Variants in LAMB4 observed in about 807,000 individuals in gnomAD.
LAMB4 encodes the protein laminin subunit beta 4.
Under a neutral mutation model 199.2 loss-of-function variants are expected in LAMB4, and 196 were observed. The ratio of observed to expected loss-of-function variants is 0.98; its 90% confidence interval spans 0.88 to 1.11. LAMB4 has a LOEUF of 1.11. LAMB4 is among the 50% of genes least tolerant of loss of function. The pLI, the probability that LAMB4 is intolerant of heterozygous loss-of-function variation, is 0.00. For missense variants in LAMB4, 2,080 were observed against 2,171.2 expected (o/e 0.96, Z 0.83); for synonymous variants, 744 against 770.6 (o/e 0.97, Z 0.57).
chr7:108,018,277 G>A, the LAMB4 span, among the ~76,000 whole-genome samples: 1 of 152,218 alleles, frequency 6.6e-6, no homozygotes, highest in Non-Finnish European at 1.5e-5. Context: ...GCCTGTGGAG[G>A]CTGATCTACA....
rs372443906 is a variant in LAMB4 at position 108,066,365 on chromosome 7, A to G, written c.2678+4T>C. The G allele has an allele frequency of 5.6e-6, 9 of 1,608,402 alleles. No individual in the cohort carries two copies. In the African/African-American group the frequency reaches 9.4e-5, roughly 17 times the overall value. On this transcript the variant is annotated splice_donor_region_variant and intron_variant, in intron 20 of 33. Transcript: ENST00000388781. ...AAAAATTAAAGTGCATATGAATTCC[A>G]TACCTTTCACAGTTTCTGCCAGTTG...
At chr7:108,104,298 T>A (rs1481507226) in intron 9 of LAMB4, among the ~76,000 whole-genome samples, 2 of 152,174 alleles carry the variant, frequency 1.3e-5, no homozygotes, top group Non-Finnish European at 2.9e-5. Context: ...AAGTTAAACT[T>A]AATTTGTGGT....
chr7:108,108,621 C>T (rs1392982166), intron 5 of LAMB4, among the ~76,000 whole-genome samples: 9 of 151,308 alleles, frequency 5.9e-5, no homozygotes, highest in Non-Finnish European at 4.4e-5. Flanking sequence ...GTATCCATGA[C>T]TAGATTGTGA....
At position 108,068,154 on chromosome 7, in the gene LAMB4, T is replaced by C. The variant is rs2036409013; in HGVS notation, c.2308A>G (p.Lys770Glu). The change falls in exon 19 of 34, where the codon AAG becomes GAG. Residue 770 changes from lysine (K) to glutamate (E), a missense_variant. Transcript: ENST00000388781. ...CCGACTGAGCCCTGGGGGTGACACTTGCAGGCTGCAAGGAACAATGGAAGG... is the reference window on the plus strand; with the variant it reads ...CCGACTGAGCCCTGGGGGTGACACTCGCAGGCTGCAAGGAACAATGGAAGG... ...AKLHDGAVACKCHPQGSVGSS... is the reference protein window; with the variant it reads ...AKLHDGAVACECHPQGSVGSS... The C allele has an allele frequency of 6.2e-7, 1 of 1,613,932 alleles. No homozygotes were observed. The highest frequency in any genetic ancestry group is 8.5e-7 in the Non-Finnish European group (1 of 1,180,024).
At chr7:108,048,251 T>C (rs978381149) in intron 27 of LAMB4, 140 bp from the exon 28 acceptor site, 1 of 652,468 alleles carries the variant, frequency 1.5e-6, no homozygotes, top group Non-Finnish European at 2.5e-6. Flanking sequence ...TGCAACGTTC[T>C]CCTCCTGGGT....
At chr7:108,124,738 G>A (rs1331965431) in intron 1 of LAMB4, among the ~76,000 whole-genome samples, 4 of 151,956 alleles carry the variant, frequency 2.6e-5, no homozygotes, top group Admixed American at 6.6e-5. Context: ...ATTTTCAAGT[G>A]AGACTATTTT....
intron 14 of LAMB4, among the ~76,000 whole-genome samples, chr7:108,089,044 G>A (rs1308397459): frequency 6.6e-6 from 1 of 152,164 alleles, no homozygotes; most frequent in Non-Finnish European, 1.5e-5. Flanking sequence ...TTAAATGAAG[G>A]TTGCATAGAA....
chr7:108,104,391 A>AGGC lies in LAMB4; in HGVS notation c.991+107_991+108insGCC, dbSNP rs2037925453. 3.1e-6 allele frequency: 4 copies of AGGC among 1,307,068 alleles called. No individual in the cohort carries two copies. The South Asian group carries it at 4.2e-5, about 14-fold the overall frequency. 81.0% of individuals were successfully genotyped at this position (1,307,068 alleles called of 1,614,324 possible). A position where few individuals can be genotyped will look rare whatever the true frequency, so the allele number is the denominator to read the frequency against. On this transcript the variant is annotated intron_variant, in intron 9 of 33. Coordinates refer to ENST00000388781, the MANE Select transcript of LAMB4 (RefSeq NM_007356.3). The stretch of plus-strand genomic sequence containing the variant: ...ATCACACTATAGGAGCTGGGAGGAC[A>AGGC]GCCTCCCCACTTTGGTGCCTGCAGC...
chr7:108,060,219 C>A (rs1440454065), intron 23 of LAMB4, among the ~76,000 whole-genome samples: 1 of 152,184 alleles, frequency 6.6e-6, no homozygotes, highest in African/African-American at 2.4e-5. Flanking sequence ...CTGGTTAAAC[C>A]AATACCATCT....
chr7:108,031,047 A>G, intron 31 of LAMB4, 68 bp from the exon 32 acceptor site: 1 of 1,372,592 alleles, frequency 7.3e-7, no homozygotes. Flanking sequence ...TAAACGATAT[A>G]TTAACCCCTT....
intron 10 of LAMB4, 111 bp from the exon 11 acceptor site, chr7:108,098,693 AAATG>A: frequency 1.1e-6 from 1 of 876,868 alleles, no homozygotes; most frequent in Non-Finnish European, 1.6e-6. Flanking sequence ...TTAAATAATT[AAATG>A]TTTAAATAAT....
intron 2 of LAMB4, 76 bp downstream of exon 2, chr7:108,123,055 T>C: frequency 7.8e-7 from 1 of 1,284,708 alleles, no homozygotes. Flanking sequence ...CAGAAGTGAA[T>C]ATGTTTAAAA....
At chr7:108,034,815 C>T (rs2035166520) in intron 30 of LAMB4, among the ~76,000 whole-genome samples, 2 of 152,164 alleles carry the variant, frequency 1.3e-5, no homozygotes, top group Admixed American at 1.3e-4. Flanking sequence ...GCTTCACTGA[C>T]ATTCCAGCCA....
chr7:108,103,216 G>T lies in LAMB4; in HGVS notation c.1008C>A (p.Ser336Arg), dbSNP rs745660990. The T allele has an allele frequency of 7.8e-5, 122 of 1,564,570 alleles. No homozygotes were observed. Among genetic ancestry groups the T allele is most frequent in the Middle Eastern group, 1.7e-4 (1 of 5,932 alleles). Residue 336 changes from serine (S) to arginine (R), a missense_variant, in exon 10 of 34, where the codon AGC becomes AGA. Physicochemically the swap from Ser to Arg is moderately radical, Grantham distance 110. Transcript: ENST00000388781. ...TGTCAAAGTGACAGCGGCTGGAGTGGCTATTACAGCTGCACGCTGAAAGGA... is the reference window on the plus strand; with the variant it reads ...TGTCAAAGTGACAGCGGCTGGAGTGTCTATTACAGCTGCACGCTGAAAGGA... ...DNACRSCSCNSHSSRCHFDMT... is the reference protein window; with the variant it reads ...DNACRSCSCNRHSSRCHFDMT...
intron 30 of LAMB4, among the ~76,000 whole-genome samples, chr7:108,035,895 C>A (rs2035212099): frequency 6.6e-6 from 1 of 151,364 alleles, no homozygotes; most frequent in African/African-American, 2.4e-5. Context: ...CTCTTGTTGC[C>A]CAGGCTAGAG....
intron 3 of LAMB4, among the ~76,000 whole-genome samples, chr7:108,112,797 G>A (rs1260916740): frequency 1.3e-5 from 2 of 152,156 alleles, no homozygotes; most frequent in Non-Finnish European, 2.9e-5. Flanking sequence ...TGGGAAGCGG[G>A]GGCTGATCAT....
chr7:108,119,525 C>G (rs2038526552), intron 2 of LAMB4, among the ~76,000 whole-genome samples: 1 of 152,116 alleles, frequency 6.6e-6, no homozygotes. Flanking sequence ...AGGTTATGTA[C>G]TGCATAATTC....
At chr7:108,028,441 C>G (rs1287811008) in intron 33 of LAMB4, among the ~76,000 whole-genome samples, 3 of 151,694 alleles carry the variant, frequency 2.0e-5, no homozygotes, top group Non-Finnish European at 2.9e-5. Context: ...CATCTCACCC[C>G]CCGTTGAGAA....
intron 12 of LAMB4, among the ~76,000 whole-genome samples, chr7:108,094,732 T>C (rs185856017): frequency 6.6e-6 from 1 of 152,308 alleles, no homozygotes; most frequent in Admixed American, 6.5e-5. Flanking sequence ...TAAAATTGTA[T>C]GTTTAGTAGA....
Sources: allele counts gnomAD v4.1 joint callset (sites outside exome capture counted in the v4.1 genomes callset), GRCh38; gene constraint gnomAD v4.1.1; transcripts MANE v1.5; gene names NCBI Gene and HGNC (gene_info 2026-07-23, HGNC 2026-07-21).